The following SLIT3 variants were observed in gnomAD, a reference collection of about 807,000 sequenced individuals.
SLIT3 encodes the protein slit guidance ligand 3, also known as slit homolog 3 protein.
SLIT3 carries 68 observed loss-of-function variants against 184.0 expected under a neutral mutation model. The ratio of observed to expected loss-of-function variants is 0.37; its 90% CI spans 0.30 to 0.45. SLIT3 has a LOEUF of 0.45. Among genes scored for constraint, SLIT3 ranks in the 20% least tolerant of loss-of-function variants. The pLI, the probability that SLIT3 is intolerant of heterozygous loss-of-function variation, is 1.00. For synonymous variants in SLIT3, 831 were observed against 828.6 expected (o/e 1.00, Z -0.05); for missense variants, 1,707 against 2,026.0 (o/e 0.84, Z 3.02).
At chr5:168,913,597 G>A (rs1206243514) in intron 4 of SLIT3, among the ~76,000 whole-genome samples, 1 of 151,880 alleles carries the variant, frequency 6.6e-6, no homozygotes, top group African/African-American at 2.4e-5. Flanking sequence ...GTAAAACCCT[G>A]TCTCTACAGT....
chr5:168,867,669 T>A (rs1434113331), intron 5 of SLIT3, among the ~76,000 whole-genome samples: 2 of 152,216 alleles, frequency 1.3e-5, no homozygotes, highest in African/African-American at 4.8e-5. Context: ...TTAGCAATGG[T>A]CCATGTGAGT....
intron 3 of SLIT3, among the ~76,000 whole-genome samples, chr5:169,196,931 T>G (rs1011159397): frequency 1.3e-5 from 2 of 152,180 alleles, no homozygotes; most frequent in Non-Finnish European, 2.9e-5. Context: ...CCCTCTATTG[T>G]CACAACTGTA....
intron 4 of SLIT3, among the ~76,000 whole-genome samples, chr5:169,020,674 G>C (rs1265379121): frequency 6.6e-6 from 1 of 152,156 alleles, no homozygotes; most frequent in African/African-American, 2.4e-5. Flanking sequence ...TTAGAGTTAA[G>C]GAATGAAATC....
At chr5:168,813,132 C>T (rs1304033932) in intron 8 of SLIT3, among the ~76,000 whole-genome samples, 1 of 152,014 alleles carries the variant, frequency 6.6e-6, no homozygotes, top group Non-Finnish European at 1.5e-5. Context: ...AACAGATGGA[C>T]AAACCAATGG....
intron 4 of SLIT3, among the ~76,000 whole-genome samples, chr5:169,031,050 G>A (rs1378461781): frequency 6.6e-6 from 1 of 152,142 alleles, no homozygotes; most frequent in Non-Finnish European, 1.5e-5. Context: ...GCCCCTGACA[G>A]GTCCTCATTT....
chr5:169,183,980 G>A (rs1316644715), intron 4 of SLIT3, among the ~76,000 whole-genome samples: 1 of 152,202 alleles, frequency 6.6e-6, no homozygotes, highest in East Asian at 1.9e-4. Context: ...CTCAGTACAA[G>A]TATTGCCCGA....
At chr5:169,243,645 G>A (rs1412334726) in intron 3 of SLIT3, among the ~76,000 whole-genome samples, 1 of 152,172 alleles carries the variant, frequency 6.6e-6, no homozygotes, top group Non-Finnish European at 1.5e-5. Flanking sequence ...TGACTCCAGG[G>A]GAAAAGATGG....
At chr5:168,747,995 G>A (rs1375549286) in intron 20 of SLIT3, among the ~76,000 whole-genome samples, 1 of 152,110 alleles carries the variant, frequency 6.6e-6, no homozygotes, top group Non-Finnish European at 1.5e-5. Context: ...AGGTTTCAGG[G>A]GTGATACGGA....
chr5:169,244,318 C>T (rs932036176), intron 3 of SLIT3, among the ~76,000 whole-genome samples: 4 of 152,202 alleles, frequency 2.6e-5, no homozygotes, highest in East Asian at 3.9e-4. Context: ...AGCTTCTGCC[C>T]GTGCAGAGGA....
At chr5:168,828,347 C>T (rs1757767694) in intron 6 of SLIT3, among the ~76,000 whole-genome samples, 1 of 152,036 alleles carries the variant, frequency 6.6e-6, no homozygotes, top group South Asian at 2.1e-4. Context: ...ATGTGGTCCC[C>T]AGACTGGGTG....
intron 20 of SLIT3, among the ~76,000 whole-genome samples, chr5:168,747,855 A>T (rs993636059): frequency 6.6e-6 from 1 of 152,010 alleles, no homozygotes; most frequent in Non-Finnish European, 1.5e-5. Context: ...GTGGAATAGG[A>T]TCCTATTCAG....
At chr5:169,285,804 A>C (rs1428304262) in intron 1 of SLIT3, among the ~76,000 whole-genome samples, 2 of 152,208 alleles carry the variant, frequency 1.3e-5, no homozygotes, top group Non-Finnish European at 2.9e-5. Context: ...GGTGCCAGAC[A>C]TGTGAGTGAA....
intron 25 of SLIT3, among the ~76,000 whole-genome samples, chr5:168,709,392 G>A (rs556727306): frequency 1.3e-5 from 2 of 152,224 alleles, no homozygotes; most frequent in South Asian, 2.1e-4. Flanking sequence ...CACCGTGCCC[G>A]GACCCTGGCT....
rs70979103 is a variant in SLIT3 at position 168,865,173 on chromosome 5, C to CAAA, written c.485+18089_485+18091dup. Among the ~76,000 whole-genome samples, 170 of 55,334 alleles carry CAAA rather than the reference C, an allele frequency of 3.1e-3. 1 individual carries two copies. The highest frequency in any genetic ancestry group is 6.8e-3 in the African/African-American group (91 of 13,294). The allele number at this position is 55,334 out of a possible 152,430, so 36.3% of individuals were successfully genotyped here. ...GGGCAACAGGAGTGAAACTCCGTCTCAAAAAAAAAAAAAAAAAAAAAAGAA... is the reference window on the plus strand; with the variant it reads ...GGGCAACAGGAGTGAAACTCCGTCTCAAAAAAAAAAAAAAAAAAAAAAAAAGAA... On this transcript the variant is annotated intron_variant, in intron 5 of 35. Transcript: ENST00000519560.
At chr5:169,140,373 C>CA in intron 4 of SLIT3, among the ~76,000 whole-genome samples, 1 of 136,744 alleles carries the variant, frequency 7.3e-6, no homozygotes, top group South Asian at 2.4e-4. Flanking sequence ...CCCAGCTACT[C>CA]GGAGGCTGAG....
intron 4 of SLIT3, among the ~76,000 whole-genome samples, chr5:168,988,915 C>T (rs568261328): frequency 3.3e-5 from 5 of 152,308 alleles, no homozygotes; most frequent in Admixed American, 6.5e-5. Context: ...CAGCATTTGT[C>T]CTCACTGTTC....
chr5:169,261,901 C>T (rs1766200146), intron 1 of SLIT3, among the ~76,000 whole-genome samples: 1 of 152,206 alleles, frequency 6.6e-6, no homozygotes, highest in Admixed American at 6.5e-5. Flanking sequence ...AGCAGGTGGC[C>T]ATGTTTGGGA....
At chr5:168,700,752 G>A in intron 26 of SLIT3, 73 bp from the exon 27 acceptor site, 2 of 1,097,314 alleles carry the variant, frequency 1.8e-6, no homozygotes, top group East Asian at 4.8e-5. Context: ...GGGACTCCAG[G>A]GGTTCCAGCA....
intron 4 of SLIT3, among the ~76,000 whole-genome samples, chr5:169,032,073 C>CCT (rs1757045652): frequency 6.6e-6 from 1 of 152,116 alleles, no homozygotes; most frequent in Admixed American, 6.5e-5. Flanking sequence ...ATAACCAACC[C>CCT]CTCTGGCCCT....
Sources: gnomAD v4.1 joint callset for allele counts (sites outside exome capture counted in the v4.1 genomes callset) on GRCh38, gnomAD v4.1.1 for gene constraint, MANE v1.5 for transcripts, NCBI Gene and HGNC (gene_info 2026-07-23, HGNC 2026-07-21) for gene names.